The following PLEKHH1 variants were observed in gnomAD, a reference collection of about 807,000 sequenced individuals.
The protein encoded by PLEKHH1 is pleckstrin homology domain-containing family H member 1.
PLEKHH1 carries 104 observed loss-of-function variants against 160.0 expected under a neutral mutation model. The ratio of observed to expected loss-of-function variants is 0.65; its 90% CI spans 0.55 to 0.76. The LOEUF (loss-of-function observed/expected upper bound fraction) is 0.76. PLEKHH1 is among the 30% of genes least tolerant of loss of function. The probability of loss-of-function intolerance (pLI) is 0.00; values close to 1 mark genes in which losing one functional copy is unlikely to be tolerated. For missense variants in PLEKHH1, 1,427 were observed against 1,724.1 expected (o/e 0.83, Z 3.05); for synonymous variants, 619 against 678.4 (o/e 0.91, Z 1.36).
chr14:67,542,874 G>A (rs2034028184), intron 2 of PLEKHH1, among the ~76,000 whole-genome samples: 1 of 151,888 alleles, frequency 6.6e-6, no homozygotes. Flanking sequence ...CTAATTTTGT[G>A]TTATTAGTAG....
intron 3 of PLEKHH1, 124 bp from the exon 4 acceptor site, chr14:67,557,145 G>A: frequency 1.4e-6 from 1 of 694,950 alleles, no homozygotes; most frequent in Non-Finnish European, 2.4e-6. Flanking sequence ...AGACTGCCCT[G>A]GGTAAGGGCT....
At chr14:67,568,843 G>C (rs904190768) in intron 7 of PLEKHH1, among the ~76,000 whole-genome samples, 1 of 152,154 alleles carries the variant, frequency 6.6e-6, no homozygotes, top group Non-Finnish European at 1.5e-5. Flanking sequence ...CAAAGGTGAA[G>C]GGTGGAGGCA....
chr14:67,579,620 C>T (rs912052373), intron 21 of PLEKHH1, 101 bp from the exon 22 acceptor site: 3 of 1,180,314 alleles, frequency 2.5e-6, no homozygotes, highest in African/African-American at 1.5e-5. Flanking sequence ...TTTGTATTTG[C>T]CCTTGCTCCT....
At chr14:67,559,238 TTAAAAA>T (rs1225424530) in intron 4 of PLEKHH1, among the ~76,000 whole-genome samples, 2 of 152,134 alleles carry the variant, frequency 1.3e-5, no homozygotes, top group African/African-American at 4.8e-5. Flanking sequence ...ATGCTTATAG[TTAAAAA>T]TAAAAAAACG....
rs1330203252 is a variant in PLEKHH1, at chr14:67,582,396, G to A, written c.3426+186G>A. On this transcript the variant is annotated intron_variant, in intron 24 of 28. Coordinates refer to ENST00000329153, the MANE Select transcript of PLEKHH1 (RefSeq NM_020715.3). The surrounding 1 kb of genome is among the most constrained non-coding windows in gnomAD (Gnocchi z 5.0). ...AGCTCCTCACTCACCGCAGATATAG[G>A]ATGCGTGCAGATGGCTGGACTTGGA... is the stretch of plus-strand genomic sequence containing the variant. 1 of 941,612 alleles carries A rather than the reference G, an allele frequency of 1.1e-6. No homozygotes were observed. Among genetic ancestry groups the A allele is most frequent in the Admixed American group, 2.4e-5 (1 of 41,222 alleles). The allele number at this position is 941,612 out of a possible 1,614,324, so 58.3% of individuals were successfully genotyped here. A position where few individuals can be genotyped will look rare whatever the true frequency, so the allele number is the denominator to read the frequency against.
intron 8 of PLEKHH1, 115 bp downstream of exon 8, chr14:67,569,331 T>C: frequency 4.5e-6 from 3 of 671,410 alleles, no homozygotes; most frequent in Non-Finnish European, 7.8e-6. Flanking sequence ...GCCTACCCTG[T>C]TCCCCTCCCC....
At chr14:67,551,811 G>A (rs950552922) in intron 2 of PLEKHH1, among the ~76,000 whole-genome samples, 3 of 152,100 alleles carry the variant, frequency 2.0e-5, no homozygotes, top group Non-Finnish European at 2.9e-5. Flanking sequence ...GAACCTGGGA[G>A]GCGGAGGTTA....
chr14:67,568,792 A>G (rs531442721), intron 7 of PLEKHH1, among the ~76,000 whole-genome samples: 62 of 152,254 alleles, frequency 4.1e-4, no homozygotes, highest in African/African-American at 1.5e-3. Context: ...GATTCAGAGC[A>G]ACAGTTTACT....
chr14:67,565,373 A>AG (rs2035041824), intron 7 of PLEKHH1, among the ~76,000 whole-genome samples: 1 of 152,140 alleles, frequency 6.6e-6, no homozygotes, highest in Non-Finnish European at 1.5e-5. Context: ...CCTTCTGAGC[A>AG]GCTGGGACTA....
chr14:67,564,452 C>A (rs1462907237), intron 7 of PLEKHH1, among the ~76,000 whole-genome samples: 1 of 152,030 alleles, frequency 6.6e-6, no homozygotes, highest in Non-Finnish European at 1.5e-5. Context: ...GCGATGGGCA[C>A]GTGAGATCAT....
Position 67,573,477 on chromosome 14 carries a change from C to T in PLEKHH1, c.1839+91C>T, listed in dbSNP as rs1260273872. 18 of 883,662 alleles carry T rather than the reference C, an allele frequency of 2.0e-5. No individual in the cohort carries two copies. Among genetic ancestry groups the T allele is most frequent in the Admixed American group, 1.1e-4 (5 of 47,598 alleles). The allele number at this position is 883,662 out of a possible 1,614,324, so 54.7% of individuals were successfully genotyped here. The stretch of plus-strand genomic sequence containing the variant: ...ATGGGACGGAGGAGGGGGAATGTGG[C>T]CCAAGGCCAGAGGGCAAAGGTCTGG... On this transcript the variant is annotated intron_variant, in intron 12 of 28. Transcript: ENST00000329153. The surrounding 1 kb of genome is among the most constrained non-coding windows in gnomAD (Gnocchi z 4.8).
chr14:67,558,877 G>GC (rs1230514909), intron 4 of PLEKHH1, among the ~76,000 whole-genome samples: 3 of 152,222 alleles, frequency 2.0e-5, no homozygotes, highest in Non-Finnish European at 4.4e-5. Context: ...CATGGAAGCA[G>GC]CCACAGATAA....
Position 67,585,971 on chromosome 14 carries a change from C to T in PLEKHH1, c.3807C>T (p.Pro1269=). The T allele has an allele frequency of 1.2e-6, 2 of 1,613,586 alleles. No homozygotes were observed. The highest frequency in any genetic ancestry group is 8.5e-7 in the Non-Finnish European group (1 of 1,179,658). Reference sequence around the variant, plus strand: ...CACAGCAAGTGCACATCACTTACCCCTACTCTTCAGTGACAACGTTTGGTG... The same window carrying T: ...CACAGCAAGTGCACATCACTTACCCTTACTCTTCAGTGACAACGTTTGGTG... ...HNTMQVHITY[P]YSSVTTFGGC... The change falls in exon 28 of 29, where the codon CCC becomes CCT. Residue 1269 remains proline (P), a synonymous_variant. Transcript: ENST00000329153.
intron 3 of PLEKHH1, 50 bp from the exon 4 acceptor site, chr14:67,557,219 C>T: frequency 6.4e-7 from 1 of 1,557,388 alleles, no homozygotes. Flanking sequence ...GGCCACTGCA[C>T]ACCCCGTGTG....
chr14:67,564,209 G>A (rs2034978181), intron 7 of PLEKHH1, among the ~76,000 whole-genome samples: 1 of 152,122 alleles, frequency 6.6e-6, no homozygotes, highest in Admixed American at 6.6e-5. Context: ...CACCATGTTG[G>A]CCAGGCTAGT....
At position 67,562,226 on chromosome 14, in the gene PLEKHH1, C is replaced by G. The variant is rs752462777; in HGVS notation, c.595C>G (p.Pro199Ala). The G allele has an allele frequency of 1.2e-6, 2 of 1,612,176 alleles. No individual in the cohort carries two copies. Among genetic ancestry groups the G allele is most frequent in the East Asian group, 2.2e-5 (1 of 44,836 alleles). ...DSVPSEPGIQ[P>A]MGQDSGSQAQ... ...TGTCCCTTCAGAGCCGGGAATCCAG[C>G]CTATGGGCCAGGACAGTGGCTCCCA... The change falls in exon 7 of 29, where the codon CCT (proline) becomes GCT (alanine). Residue 199 changes from proline (P) to alanine (A), a missense_variant. Transcript: ENST00000329153.
chr14:67,559,195 T>C (rs1353989239), intron 4 of PLEKHH1, among the ~76,000 whole-genome samples: 1 of 152,366 alleles, frequency 6.6e-6, no homozygotes, highest in African/African-American at 2.4e-5. Flanking sequence ...AATTTTGCCT[T>C]ATTTTTTTGT....
At position 67,579,167 on chromosome 14, in the gene PLEKHH1, G is replaced by T. The variant is rs1294574011; in HGVS notation, c.2883G>T (p.Gln961His). ...SETGQYATYC[Q>H]RAVERTLRTG... is the part of the protein sequence containing the mutation. ...CTGGCCAGTATGCCACCTACTGCCA[G>T]CGGGCAGTGGAGCGGACCCTGCGGA... The change falls in exon 21 of 29, where the codon CAG becomes CAT. Residue 961 changes from glutamine (Q) to histidine (H), a missense_variant. Transcript: ENST00000329153. The T allele has an allele frequency of 6.2e-7, 1 of 1,606,144 alleles. No homozygotes were observed. Among genetic ancestry groups the T allele is most frequent in the Admixed American group, 1.8e-5 (1 of 57,062 alleles).
chr14:67,543,442 G>A (rs2045465604), intron 2 of PLEKHH1, among the ~76,000 whole-genome samples: 1 of 152,196 alleles, frequency 6.6e-6, no homozygotes, highest in African/African-American at 2.4e-5. Flanking sequence ...TATACATCAG[G>A]AAAGGGCAGC....
Sources: allele counts gnomAD v4.1 joint callset (sites outside exome capture counted in the v4.1 genomes callset), GRCh38; gene constraint gnomAD v4.1.1; non-coding constraint Gnocchi (gnomAD v3.1); transcripts MANE v1.5; gene names NCBI Gene and HGNC (gene_info 2026-07-23, HGNC 2026-07-21).